Variants in GABRG3 observed in about 807,000 individuals in gnomAD.
The protein encoded by GABRG3 is gamma-aminobutyric acid receptor subunit gamma-3.
In GABRG3, 25 loss-of-function variants were observed where a neutral mutation model predicts 48.8. That is an observed-to-expected ratio of 0.51 (90% CI 0.37 to 0.72). The LOEUF is 0.72. Ranked by LOEUF, GABRG3 falls within the 30% of genes least tolerant of loss-of-function variation. GABRG3 has a pLI of 0.00. For missense variants in GABRG3, 394 were observed against 577.9 expected (o/e 0.68, Z 3.26); for synonymous variants, 227 against 217.6 (o/e 1.04, Z -0.38).
chr15:27,248,609 CT>C (rs1276748045), intron 3 of GABRG3, among the ~76,000 whole-genome samples: 1 of 152,124 alleles, frequency 6.6e-6, no homozygotes, highest in Non-Finnish European at 1.5e-5. Flanking sequence ...CTCTGTCAGC[CT>C]GTGTACCTGC....
intron 3 of GABRG3, chr15:27,271,724 A>C: frequency 2.3e-6 from 1 of 432,834 alleles, no homozygotes; most frequent in Non-Finnish European, 4.7e-6. Context: ...GACCTCCTGC[A>C]CCAAGAGCCA....
intron 3 of GABRG3, among the ~76,000 whole-genome samples, chr15:27,098,101 T>C (rs1182610538): frequency 6.6e-6 from 1 of 152,080 alleles, no homozygotes; most frequent in Non-Finnish European, 1.5e-5. Flanking sequence ...GTTAATATGC[T>C]CTGAGAACAC....
At chr15:27,217,045 GC>G (rs1432225907) in intron 3 of GABRG3, among the ~76,000 whole-genome samples, 1 of 143,330 alleles carries the variant, frequency 7.0e-6, no homozygotes, top group East Asian at 2.1e-4. Flanking sequence ...TTTTGTTATT[GC>G]GATAGTTTAC....
intron 3 of GABRG3, among the ~76,000 whole-genome samples, chr15:27,115,300 G>A (rs572965516): frequency 2.0e-5 from 3 of 152,192 alleles, no homozygotes; most frequent in South Asian, 2.1e-4. Context: ...GGCTCCCTCC[G>A]GGTCCAGCTG....
intron 3 of GABRG3, among the ~76,000 whole-genome samples, chr15:27,216,046 C>G (rs1461890916): frequency 6.6e-6 from 1 of 152,178 alleles, no homozygotes; most frequent in Non-Finnish European, 1.5e-5. Context: ...TCCATGCTAT[C>G]AAGGAGACTC....
chr15:27,006,830 T>A (rs562107999), intron 2 of GABRG3, among the ~76,000 whole-genome samples: 1 of 148,152 alleles, frequency 6.7e-6, no homozygotes, highest in Non-Finnish European at 1.5e-5. Flanking sequence ...AAGGACATGA[T>A]CTCGTTTGTT....
At chr15:27,320,065 A>G (rs2140513876) in intron 3 of GABRG3, among the ~76,000 whole-genome samples, 1 of 152,248 alleles carries the variant, frequency 6.6e-6, no homozygotes, top group East Asian at 1.9e-4. Flanking sequence ...AGGGCCTCCT[A>G]GCCAGAGGCA....
At chr15:27,520,917 A>T (rs977195876) in intron 7 of GABRG3, among the ~76,000 whole-genome samples, 1 of 151,846 alleles carries the variant, frequency 6.6e-6, no homozygotes, top group African/African-American at 2.4e-5. Flanking sequence ...AGAACAAAGC[A>T]CTGGGCCTGG....
At chr15:27,362,972 T>G (rs1030952615) in intron 5 of GABRG3, 2 of 152,222 alleles carry the variant, frequency 1.3e-5, no homozygotes, top group Non-Finnish European at 2.9e-5. Context: ...AGGAAAAGAA[T>G]ACCATACTGT....
chr15:27,306,686 G>GTA (rs1892502650), intron 3 of GABRG3, among the ~76,000 whole-genome samples: 2 of 31,464 alleles, frequency 6.4e-5, no homozygotes, highest in African/African-American at 2.7e-4. Context: ...ACATATATAT[G>GTA]AACATGTTTA....
chr15:27,501,553 A>T (rs1317793213), intron 6 of GABRG3, among the ~76,000 whole-genome samples: 1 of 152,150 alleles, frequency 6.6e-6, no homozygotes, highest in Non-Finnish European at 1.5e-5. Context: ...AATCTACTGC[A>T]TTTAAGTCAG....
At chr15:27,338,368 C>T (rs1449300357) in intron 5 of GABRG3, among the ~76,000 whole-genome samples, 1 of 152,118 alleles carries the variant, frequency 6.6e-6, no homozygotes, top group African/African-American at 2.4e-5. Context: ...GCATTCTTTC[C>T]ATCTCTCTTT....
At chr15:27,264,897 ACTTAT>A (rs1890871607) in intron 3 of GABRG3, among the ~76,000 whole-genome samples, 1 of 152,162 alleles carries the variant, frequency 6.6e-6, no homozygotes, top group Admixed American at 6.5e-5. Context: ...TATTCTTAAT[ACTTAT>A]CTTTTATACC....
intron 3 of GABRG3, among the ~76,000 whole-genome samples, chr15:27,190,563 A>G (rs371447905): frequency 2.0e-5 from 3 of 152,064 alleles, no homozygotes; most frequent in African/African-American, 7.2e-5. Context: ...CTGTGGGATC[A>G]GTGGTGATAT....
chr15:27,239,853 G>A (rs111288448), intron 3 of GABRG3, among the ~76,000 whole-genome samples: 89 of 152,272 alleles, frequency 5.8e-4, no homozygotes, highest in African/African-American at 2.1e-3. Flanking sequence ...ATTGCCTTAA[G>A]CTTTCACAGC....
intron 3 of GABRG3, among the ~76,000 whole-genome samples, chr15:27,101,608 A>T (rs1897358499): frequency 6.6e-6 from 1 of 152,172 alleles, no homozygotes. Context: ...TGAATGGAGA[A>T]TCCAGAAATG....
chr15:27,327,451 C>T (rs924655051), intron 4 of GABRG3, among the ~76,000 whole-genome samples: 10 of 152,140 alleles, frequency 6.6e-5, no homozygotes, highest in African/African-American at 1.4e-4. Context: ...AGTGTGTCCT[C>T]CTGGAGTCAG....
chr15:27,401,132 C>T (rs1198221980), intron 5 of GABRG3, among the ~76,000 whole-genome samples: 1 of 152,142 alleles, frequency 6.6e-6, no homozygotes, highest in Non-Finnish European at 1.5e-5. Context: ...ACAATGATTG[C>T]AGGAATTTCA....
At chr15:27,231,096 A>G (rs1454672) in intron 3 of GABRG3, among the ~76,000 whole-genome samples, 2 of 151,766 alleles carry the variant, frequency 1.3e-5, no homozygotes, top group Non-Finnish European at 2.9e-5. Flanking sequence ...GAAAAATTTT[A>G]AAAACACTTA....
Sources: allele counts gnomAD v4.1 joint callset (sites outside exome capture counted in the v4.1 genomes callset), GRCh38; gene constraint gnomAD v4.1.1; transcripts MANE v1.5; gene names NCBI Gene and HGNC (gene_info 2026-07-23, HGNC 2026-07-21).